Variants in CAMK4 observed in about 807,000 individuals in gnomAD.
CAMK4 encodes the protein calcium/calmodulin dependent protein kinase IV, also known as calcium/calmodulin-dependent protein kinase type IV.
CAMK4 carries 22 observed loss-of-function variants against 44.9 expected under a neutral mutation model. The ratio of observed to expected loss-of-function variants is 0.49; its 90% CI spans 0.35 to 0.70. The LOEUF (loss-of-function observed/expected upper bound fraction) is 0.70. Ranked by LOEUF, CAMK4 falls within the 30% of genes least tolerant of loss-of-function variation. The pLI is 0.01. For missense variants in CAMK4, 498 were observed against 586.8 expected (o/e 0.85, Z 1.56); for synonymous variants, 218 against 215.4 (o/e 1.01, Z -0.11).
intron 5 of CAMK4, among the ~76,000 whole-genome samples, chr5:111,428,766 G>A (rs1753323422): frequency 6.6e-6 from 1 of 152,098 alleles, no homozygotes; most frequent in Non-Finnish European, 1.5e-5. Context: ...TAAAGAGAAG[G>A]TAGAGAAAGA....
intron 5 of CAMK4, among the ~76,000 whole-genome samples, chr5:111,395,954 T>G (rs1751991350): frequency 6.6e-6 from 1 of 152,156 alleles, no homozygotes; most frequent in Non-Finnish European, 1.5e-5. Flanking sequence ...GTTAGTTATT[T>G]AACTAAAATC....
At chr5:111,478,601 TAA>T (rs56098875) in intron 9 of CAMK4, 94 bp downstream of exon 9, 8,629 of 518,882 alleles carry the variant, frequency 0.017, 285 homozygotes, top group Admixed American at 0.093. Flanking sequence ...TTACCCATAT[TAA>T]TGCCATATTT....
chr5:111,279,071 T>G (rs553616495), intron 1 of CAMK4, among the ~76,000 whole-genome samples: 4 of 152,310 alleles, frequency 2.6e-5, no homozygotes, highest in African/African-American at 9.6e-5. Flanking sequence ...CTTGGAATTT[T>G]GCAACACAGG....
intron 1 of CAMK4, among the ~76,000 whole-genome samples, chr5:111,275,580 A>G (rs886880887): frequency 6.6e-6 from 1 of 152,110 alleles, no homozygotes; most frequent in Admixed American, 6.6e-5. Flanking sequence ...CATACTTGAA[A>G]ATGTCTTTAT....
At chr5:111,395,211 C>CAAAAAAAAAAAAAAAAAA (rs1175802762) in intron 5 of CAMK4, among the ~76,000 whole-genome samples, 1 of 90,646 alleles carries the variant, frequency 1.1e-5, no homozygotes. Context: ...GACCCTGTCT[C>CAAAAAAAAAAAAAAAAAA]AAAAAAAAAA....
chr5:111,395,041 T>A (rs1313747343), intron 5 of CAMK4, among the ~76,000 whole-genome samples: 1 of 151,418 alleles, frequency 6.6e-6, no homozygotes, highest in East Asian at 1.9e-4. Flanking sequence ...AAACGCCATA[T>A]CTAATAAAAA....
chr5:111,385,335 A>T (rs1313198378), intron 4 of CAMK4, among the ~76,000 whole-genome samples: 2 of 152,046 alleles, frequency 1.3e-5, no homozygotes, highest in Admixed American at 1.3e-4. Context: ...GAAGGAGTAA[A>T]ATCTTTTGAG....
At chr5:111,310,677 G>T (rs964940126) in intron 1 of CAMK4, among the ~76,000 whole-genome samples, 8 of 152,146 alleles carry the variant, frequency 5.3e-5, no homozygotes, top group African/African-American at 1.7e-4. Context: ...CCCTGTCCTA[G>T]TGAACACAGT....
intron 1 of CAMK4, among the ~76,000 whole-genome samples, chr5:111,270,908 T>A (rs968057103): frequency 6.6e-6 from 1 of 152,160 alleles, no homozygotes; most frequent in African/African-American, 2.4e-5. Flanking sequence ...TTGACTCAGT[T>A]TCACATGGCT....
chr5:111,274,248 C>T (rs1283617368), intron 1 of CAMK4, among the ~76,000 whole-genome samples: 1 of 152,094 alleles, frequency 6.6e-6, no homozygotes, highest in East Asian at 1.9e-4. Flanking sequence ...TATATCCTCC[C>T]ATTCATTCTC....
At chr5:111,461,080 G>A (rs1421929043) in intron 7 of CAMK4, among the ~76,000 whole-genome samples, 3 of 152,138 alleles carry the variant, frequency 2.0e-5, no homozygotes, top group African/African-American at 7.2e-5. Context: ...TAATTGCAGT[G>A]CAAAAAATCA....
intron 7 of CAMK4, among the ~76,000 whole-genome samples, chr5:111,459,709 T>G: frequency 3.0e-5 from 2 of 67,374 alleles, no homozygotes; most frequent in South Asian, 1.1e-3. Context: ...TTTTTTTTTT[T>G]TTTGAGACGG....
At chr5:111,438,641 T>A (rs532923807) in intron 5 of CAMK4, among the ~76,000 whole-genome samples, 2 of 152,338 alleles carry the variant, frequency 1.3e-5, no homozygotes, top group South Asian at 4.1e-4. Context: ...TAGACAAATG[T>A]GCTCAAAGAG....
intron 4 of CAMK4, 96 bp downstream of exon 4, chr5:111,377,038 C>T (rs1282153922): frequency 2.7e-6 from 2 of 738,006 alleles, no homozygotes; most frequent in Admixed American, 4.9e-5. Context: ...TTTATAATGA[C>T]AGATTATACT....
At chr5:111,432,749 C>T (rs1753504200) in intron 5 of CAMK4, among the ~76,000 whole-genome samples, 1 of 150,930 alleles carries the variant, frequency 6.6e-6, no homozygotes, top group Admixed American at 6.6e-5. Context: ...AAATTCTAGC[C>T]ATTCCTTGGT....
chr5:111,276,603 T>A (rs560642818), intron 1 of CAMK4, among the ~76,000 whole-genome samples: 1 of 151,510 alleles, frequency 6.6e-6, no homozygotes, highest in African/African-American at 2.4e-5. Flanking sequence ...TCTAAAAAAG[T>A]TTTTTTTATA....
At chr5:111,295,064 AT>A (rs1371838243) in intron 1 of CAMK4, among the ~76,000 whole-genome samples, 6 of 152,260 alleles carry the variant, frequency 3.9e-5, no homozygotes, top group Non-Finnish European at 1.5e-5. Context: ...TAAATTTCAA[AT>A]TAAAAACATA....
intron 1 of CAMK4, among the ~76,000 whole-genome samples, chr5:111,294,171 C>T (rs1747393114): frequency 6.6e-6 from 1 of 152,134 alleles, no homozygotes; most frequent in Non-Finnish European, 1.5e-5. Flanking sequence ...ATAGAAAGCT[C>T]ACAGTTGTTT....
At chr5:111,369,146 A>G (rs1305005251) in intron 2 of CAMK4, among the ~76,000 whole-genome samples, 2 of 151,232 alleles carry the variant, frequency 1.3e-5, no homozygotes, top group South Asian at 2.1e-4. Context: ...GCTCACTGCA[A>G]CCTCCACCTC....
Sources: allele counts gnomAD v4.1 joint callset (sites outside exome capture counted in the v4.1 genomes callset), GRCh38; gene constraint gnomAD v4.1.1; transcripts MANE v1.5; gene names NCBI Gene and HGNC (gene_info 2026-07-23, HGNC 2026-07-21).